The following GRIA2 variants were observed in gnomAD, a reference collection of about 807,000 sequenced individuals.
The protein encoded by GRIA2 is glutamate receptor 2.
A neutral mutation model predicts 97.3 loss-of-function variants in GRIA2; 14 were observed. The observed-to-expected ratio is 0.14, with a 90% CI of 0.10 to 0.23. GRIA2 has a LOEUF of 0.23. Ranked by LOEUF, GRIA2 falls within the 10% of genes least tolerant of loss-of-function variation. GRIA2 has a pLI of 1.00. For missense variants in GRIA2, 558 were observed against 1,069.8 expected, an observed-to-expected ratio of 0.52 and a Z score of 6.67; for synonymous variants, 412 against 387.8, an observed-to-expected ratio of 1.06 and a Z score of -0.73.
chr4:157,291,959 T>C (rs538796255), intron 2 of GRIA2, among the ~76,000 whole-genome samples: 43 of 152,096 alleles, frequency 2.8e-4, no homozygotes, highest in Admixed American at 4.6e-4. Flanking sequence ...AAGAAAGATA[T>C]AAAATATCTA....
intron 12 of GRIA2, among the ~76,000 whole-genome samples, chr4:157,355,734 ATATT>A (rs1736247902): frequency 1.9e-5 from 2 of 103,584 alleles, no homozygotes; most frequent in African/African-American, 4.2e-5. Flanking sequence ...ATTTATTTAT[ATATT>A]TATTTATATA....
chr4:157,274,341 T>A (rs1732177802), intron 2 of GRIA2, among the ~76,000 whole-genome samples: 1 of 151,990 alleles, frequency 6.6e-6, no homozygotes, highest in Non-Finnish European at 1.5e-5. Context: ...TTTTTTCCAA[T>A]TTGGATACCT....
chr4:157,361,250 C>T lies in GRIA2; in HGVS notation c.2406+126C>T. On this transcript the variant is annotated intron_variant, in intron 14 of 15. Transcript: ENST00000264426. This position sits in a 1 kb window ranked among gnomAD's most constrained non-coding sequence, Gnocchi z 5.2. ...TAAGCTGAAGAGTGCAATTGGATGA[C>T]CAGGACACTTGACTTCTTCTTTCTT... The T allele has an allele frequency of 1.4e-6, 1 of 704,280 alleles. No individual in the cohort carries two copies. Among genetic ancestry groups the T allele is most frequent in the East Asian group, 2.7e-5 (1 of 37,372 alleles). The allele number at this position is 704,280 out of a possible 1,614,324, so 43.6% of individuals were successfully genotyped here.
chr4:157,233,978 A>G lies in GRIA2; in HGVS notation c.229+12171A>G, dbSNP rs1730133932. Among the ~76,000 whole-genome samples the G allele has an allele frequency of 2.6e-5, 4 of 152,158 alleles. No homozygotes were observed. In the South Asian group the frequency reaches 8.3e-4, roughly 32 times the overall value. On this transcript the variant is annotated intron_variant, in intron 2 of 15. Coordinates refer to ENST00000264426, the MANE Select transcript of GRIA2 (RefSeq NM_001083619.3). ...ACAAAACAAGTTGGCTACTTCCTAA[A>G]CCAGAGCCTCTATTGGTCTCAGTTG...
intron 2 of GRIA2, among the ~76,000 whole-genome samples, chr4:157,281,806 A>G (rs1479525477): frequency 1.3e-5 from 2 of 152,114 alleles, no homozygotes; most frequent in Non-Finnish European, 1.5e-5. Flanking sequence ...AAAATGTGAA[A>G]CACTAAATCT....
intron 12 of GRIA2, among the ~76,000 whole-genome samples, chr4:157,355,906 T>TAA (rs1553958576): frequency 1.3e-5 from 1 of 77,942 alleles, no homozygotes; most frequent in Non-Finnish European, 2.3e-5. Context: ...TATATAAATA[T>TAA]ATATATATTA....
intron 12 of GRIA2, among the ~76,000 whole-genome samples, chr4:157,349,647 T>A (rs2126968774): frequency 6.6e-6 from 1 of 152,278 alleles, no homozygotes; most frequent in East Asian, 1.9e-4. Context: ...AAAAACCAAC[T>A]GTGCTGGCCT....
chr4:157,306,518 A>T (rs1015495281), intron 3 of GRIA2, among the ~76,000 whole-genome samples: 1 of 152,200 alleles, frequency 6.6e-6, no homozygotes, highest in South Asian at 2.1e-4. Flanking sequence ...AAGTAATAAT[A>T]TATTAAAGCC....
chr4:157,255,278 C>T (rs1001624833), intron 2 of GRIA2, among the ~76,000 whole-genome samples: 1 of 151,922 alleles, frequency 6.6e-6, no homozygotes, highest in African/African-American at 2.4e-5. Context: ...CACACACACA[C>T]ACCATATTGT....
At chr4:157,357,818 A>C (rs967173303) in intron 12 of GRIA2, among the ~76,000 whole-genome samples, 5 of 152,098 alleles carry the variant, frequency 3.3e-5, no homozygotes, top group African/African-American at 1.2e-4. Context: ...AAATCCTTTC[A>C]TTCTTGGAAA....
intron 2 of GRIA2, among the ~76,000 whole-genome samples, chr4:157,228,073 A>G (rs2126684039): frequency 6.6e-6 from 1 of 152,368 alleles, no homozygotes; most frequent in East Asian, 1.9e-4. Context: ...ACATTTTAAA[A>G]TTAACGAGGA....
At chr4:157,350,027 C>T (rs1381789957) in intron 12 of GRIA2, among the ~76,000 whole-genome samples, 1 of 151,972 alleles carries the variant, frequency 6.6e-6, no homozygotes, top group Non-Finnish European at 1.5e-5. Context: ...TTGAATGTAC[C>T]TTATGAATTC....
intron 2 of GRIA2, among the ~76,000 whole-genome samples, chr4:157,263,814 C>T (rs946845202): frequency 2.0e-5 from 3 of 151,908 alleles, no homozygotes; most frequent in Non-Finnish European, 4.4e-5. Flanking sequence ...AGTTCTCTTC[C>T]CCAAGGGAGA....
At chr4:157,333,685 T>C (rs1735159469) in intron 8 of GRIA2, among the ~76,000 whole-genome samples, 1 of 152,064 alleles carries the variant, frequency 6.6e-6, no homozygotes, top group South Asian at 2.1e-4. Flanking sequence ...CACATGTAAC[T>C]GTTCAATTCA....
intron 2 of GRIA2, among the ~76,000 whole-genome samples, chr4:157,240,318 T>C (rs1730447432): frequency 6.6e-6 from 1 of 152,162 alleles, no homozygotes; most frequent in Non-Finnish European, 1.5e-5. Context: ...CAGAATACAT[T>C]AAATTTTTCT....
At chr4:157,231,365 C>T (rs988556204) in intron 2 of GRIA2, among the ~76,000 whole-genome samples, 4 of 152,002 alleles carry the variant, frequency 2.6e-5, no homozygotes, top group Non-Finnish European at 4.4e-5. Context: ...TTTTTGCAGA[C>T]GGGTTATCAC....
At chr4:157,304,958 GA>G (rs1300231775) in intron 3 of GRIA2, among the ~76,000 whole-genome samples, 3 of 151,824 alleles carry the variant, frequency 2.0e-5, no homozygotes, top group African/African-American at 4.8e-5. Context: ...TATACAAGCT[GA>G]AAAAAAATTT....
Position 157,221,612 on chromosome 4 carries a change from C to T in GRIA2, c.89-55C>T, listed in dbSNP as rs928731593. 8 of 1,583,468 alleles carry T rather than the reference C, an allele frequency of 5.1e-6. 1 individual carries two copies. The East Asian group carries it at 1.3e-4, about 27-fold the overall frequency. ...TTTTGGGCGCTAGCGCGCGCCCCTC[C>T]TTTCCCTCCCGGGGCACTGACACTG... is the stretch of plus-strand genomic sequence containing the variant. On this transcript the variant is annotated intron_variant, in intron 1 of 15. Transcript: ENST00000264426.
At chr4:157,276,939 A>G (rs2126802912) in intron 2 of GRIA2, among the ~76,000 whole-genome samples, 1 of 152,090 alleles carries the variant, frequency 6.6e-6, no homozygotes, top group South Asian at 2.1e-4. Context: ...TGAAAAAGAA[A>G]GCACCAGGCC....
Sources: gnomAD v4.1 joint callset for allele counts (sites outside exome capture counted in the v4.1 genomes callset) on GRCh38, gnomAD v4.1.1 for gene constraint, Gnocchi (gnomAD v3.1) non-coding constraint, MANE v1.5 for transcripts, NCBI Gene and HGNC (gene_info 2026-07-23, HGNC 2026-07-21) for gene names.